Variants in DPP10 observed in about 807,000 individuals in gnomAD.
The protein encoded by DPP10 is inactive dipeptidyl peptidase 10.
A neutral mutation model predicts 120.9 loss-of-function variants in DPP10; 33 were observed. That is an observed-to-expected ratio of 0.27 (90% CI 0.21 to 0.37). The LOEUF is 0.37. Among genes scored for constraint, DPP10 ranks in the 10% least tolerant of loss-of-function variants. The pLI, the probability that DPP10 is intolerant of heterozygous loss-of-function variation, is 1.00. For missense variants in DPP10, 816 were observed against 942.8 expected (o/e 0.87, Z 1.76); for synonymous variants, 337 against 326.1 (o/e 1.03, Z -0.36).
intron 1 of DPP10, chr2:115,161,834 C>A (rs868636913): frequency 1.1e-5 from 11 of 980,986 alleles, no homozygotes; most frequent in South Asian, 2.4e-5. Context: ...CCGCTCCCCC[C>A]ACCCCGTCCC....
chr2:115,606,806 G>A (rs2083733543), intron 5 of DPP10, among the ~76,000 whole-genome samples: 1 of 152,156 alleles, frequency 6.6e-6, no homozygotes. Flanking sequence ...TACAACAAAA[G>A]CAGGAAGCTT....
intron 3 of DPP10, among the ~76,000 whole-genome samples, chr2:115,382,134 A>G (rs550295842): frequency 3.3e-5 from 5 of 152,230 alleles, no homozygotes; most frequent in East Asian, 2.0e-4. Context: ...AGCCTGGGCA[A>G]TGGCGGGCGC....
At chr2:114,552,677 C>T (rs964748544) in intron 1 of DPP10, among the ~76,000 whole-genome samples, 1 of 152,072 alleles carries the variant, frequency 6.6e-6, no homozygotes, top group African/African-American at 2.4e-5. Flanking sequence ...TCCCGAGTAG[C>T]TGGGATTACA....
At chr2:115,549,911 C>T (rs2079768143) in intron 5 of DPP10, among the ~76,000 whole-genome samples, 1 of 152,126 alleles carries the variant, frequency 6.6e-6, no homozygotes, top group Non-Finnish European at 1.5e-5. Context: ...AACCTTCACA[C>T]ATACCATTCT....
intron 1 of DPP10, among the ~76,000 whole-genome samples, chr2:114,670,536 G>C (rs892440699): frequency 4.6e-5 from 7 of 151,872 alleles, no homozygotes; most frequent in African/African-American, 1.2e-4. Flanking sequence ...GTTGTGGGGT[G>C]GGGGGAGTGG....
intron 3 of DPP10, among the ~76,000 whole-genome samples, chr2:115,384,546 GGAAGAAGAAGAGGAA>G (rs796444216): frequency 1.1e-5 from 1 of 89,720 alleles, no homozygotes; most frequent in Non-Finnish European, 2.4e-5. Flanking sequence ...AGAAGAAGAA[GGAAGAAGAAGAGGAA>G]GAAGAAGAAG....
At chr2:115,721,346 G>T (rs1575600814) in intron 7 of DPP10, among the ~76,000 whole-genome samples, 1 of 152,012 alleles carries the variant, frequency 6.6e-6, no homozygotes, top group African/African-American at 2.4e-5. Context: ...GAAAAAAGTT[G>T]GTTCAAACTA....
At position 114,821,596 on chromosome 2, in the gene DPP10, C is replaced by T. The variant is rs137979509; in HGVS notation, c.60+378758C>T. Among the ~76,000 whole-genome samples, 167 of 152,278 alleles carry T rather than the reference C, an allele frequency of 1.1e-3. 3 individuals carry two copies. Among genetic ancestry groups the T allele is most frequent in the African/African-American group, 3.8e-3 (158 of 41,558 alleles). ...TAACTCAAAAGTTCGAGTCCAAAGT[C>T]TCATCTGAGGCAAAGCAAGTCCCTT... On this transcript the variant is annotated intron_variant, in intron 1 of 25. Coordinates refer to ENST00000410059, the MANE Select transcript of DPP10 (RefSeq NM_020868.6).
At chr2:114,706,179 A>G (rs1700674807) in intron 1 of DPP10, among the ~76,000 whole-genome samples, 1 of 152,214 alleles carries the variant, frequency 6.6e-6, no homozygotes, top group Admixed American at 6.5e-5. Context: ...AAAGTTCTGT[A>G]GGACAGAACC....
chr2:114,865,437 T>C (rs925126330), intron 1 of DPP10, among the ~76,000 whole-genome samples: 2 of 152,220 alleles, frequency 1.3e-5, no homozygotes, highest in African/African-American at 4.8e-5. Context: ...ATAAATCTAT[T>C]ACAAAGCCTG....
chr2:115,059,685 G>GAA (rs34515129), intron 1 of DPP10, among the ~76,000 whole-genome samples: 10,624 of 116,160 alleles, frequency 0.091, 931 homozygotes, highest in East Asian at 0.29. Context: ...ACCTCAACAG[G>GAA]AAAAAAAAAA....
chr2:115,687,485 G>GGACAGATA (rs1553480029), intron 5 of DPP10, among the ~76,000 whole-genome samples: 1 of 146,900 alleles, frequency 6.8e-6, no homozygotes, highest in Non-Finnish European at 1.5e-5. Context: ...ATGGATGGAT[G>GGACAGATA]GATAGATAGA....
At position 114,497,313 on chromosome 2, in the gene DPP10, G is replaced by A. The variant is rs1185429079; in HGVS notation, c.60+54475G>A. 6.8e-4 allele frequency among the ~76,000 whole-genome samples: 20 copies of A among 29,390 alleles called. 1 individual carries two copies. Among genetic ancestry groups the A allele is most frequent in the African/African-American group, 2.0e-3 (20 of 10,132 alleles). 19.3% of individuals were successfully genotyped at this position (29,390 alleles called of 152,430 possible). A position where few individuals can be genotyped will look rare whatever the true frequency, so the allele number is the denominator to read the frequency against. ...CATGTACATGTATACGTGTATACAT[G>A]TACATGTATACGTGTATACATGTAC... On this transcript the variant is annotated intron_variant, in intron 1 of 25. Transcript: ENST00000410059.
chr2:114,960,800 T>C (rs988526360), intron 1 of DPP10, among the ~76,000 whole-genome samples: 9 of 152,298 alleles, frequency 5.9e-5, no homozygotes, highest in African/African-American at 1.9e-4. Context: ...TGCATTCTTC[T>C]GTCAAGTGGA....
intron 8 of DPP10, among the ~76,000 whole-genome samples, chr2:115,729,872 A>C (rs1575617465): frequency 6.6e-6 from 1 of 152,170 alleles, no homozygotes; most frequent in African/African-American, 2.4e-5. Flanking sequence ...ACGCATGAGA[A>C]GAAATTAGGA....
At chr2:114,743,693 A>G (rs942775921) in intron 1 of DPP10, among the ~76,000 whole-genome samples, 4 of 152,212 alleles carry the variant, frequency 2.6e-5, no homozygotes, top group East Asian at 1.9e-4. Flanking sequence ...TAAAGATTGT[A>G]TAATGAACTG....
intron 1 of DPP10, among the ~76,000 whole-genome samples, chr2:114,810,806 C>T (rs1029227812): frequency 1.3e-5 from 2 of 152,132 alleles, no homozygotes; most frequent in Admixed American, 6.5e-5. Context: ...TCTAAGACTC[C>T]TCTGCTAGCA....
At chr2:115,300,093 T>C (rs2061057574) in intron 1 of DPP10, among the ~76,000 whole-genome samples, 1 of 152,092 alleles carries the variant, frequency 6.6e-6, no homozygotes, top group Admixed American at 6.6e-5. Flanking sequence ...TTTTTATATG[T>C]TTTTATTATA....
At chr2:114,952,591 A>T (rs79516189) in intron 1 of DPP10, among the ~76,000 whole-genome samples, 27,296 of 152,104 alleles carry the variant, frequency 0.18, 2,568 homozygotes, top group Admixed American at 0.24. Flanking sequence ...ATCTATGCCA[A>T]ATAGAAAAAT....
Sources: gnomAD v4.1 joint callset for allele counts (sites outside exome capture counted in the v4.1 genomes callset) on GRCh38, gnomAD v4.1.1 for gene constraint, MANE v1.5 for transcripts, NCBI Gene and HGNC (gene_info 2026-07-23, HGNC 2026-07-21) for gene names.